Variants in TEAD1 observed in about 807,000 individuals in gnomAD.
TEAD1 encodes the protein transcriptional enhancer factor TEF-1.
In TEAD1, 9 loss-of-function variants were observed where a neutral mutation model predicts 54.9. That is an observed-to-expected ratio of 0.16 (90% CI 0.10 to 0.29). The LOEUF (loss-of-function observed/expected upper bound fraction) is 0.29, where lower values mean the gene tolerates loss of function less well. Among genes scored for constraint, TEAD1 ranks in the 10% least tolerant of loss-of-function variants. TEAD1 has a pLI of 1.00. For missense variants in TEAD1, 387 were observed against 535.9 expected (o/e 0.72, Z 2.74); for synonymous variants, 200 against 187.8 (o/e 1.07, Z -0.53).
chr11:12,940,713 C>G lies in TEAD1; in HGVS notation c.*3491C>G, dbSNP rs16911836. 0.23 allele frequency: 35,324 copies of G among 151,904 alleles called. 4,596 individuals are homozygous for G. Among genetic ancestry groups the G allele is most frequent in the African/African-American group, 0.34 (13,986 of 41,414 alleles). The allele number at this position is 151,904 out of a possible 1,614,324, so 9.4% of individuals were successfully genotyped here. A position where few individuals can be genotyped will look rare whatever the true frequency, so the allele number is the denominator to read the frequency against. On this transcript the variant is annotated 3_prime_UTR_variant, in exon 13 of 13. Coordinates refer to ENST00000527636, the MANE Select transcript of TEAD1 (RefSeq NM_021961.6). ...TGACCTTCATCCCTTAGTTTACTGG[C>G]GTTAAAAAAAGTCTCAGCAATTTTC... is the stretch of plus-strand genomic sequence containing the variant.
chr11:12,777,299 A>G (rs1945447359), intron 3 of TEAD1, among the ~76,000 whole-genome samples: 1 of 152,250 alleles, frequency 6.6e-6, no homozygotes, highest in East Asian at 1.9e-4. Context: ...CTGGGGTAAT[A>G]TTTAACATAT....
chr11:12,890,144 TAA>T (rs1409921989), intron 9 of TEAD1, among the ~76,000 whole-genome samples: 1 of 152,180 alleles, frequency 6.6e-6, no homozygotes, highest in African/African-American at 2.4e-5. Flanking sequence ...AAACGTTAAA[TAA>T]AGTTATCAAG....
chr11:12,786,745 C>T (rs1480892003), intron 3 of TEAD1, among the ~76,000 whole-genome samples: 1 of 152,040 alleles, frequency 6.6e-6, no homozygotes, highest in Non-Finnish European at 1.5e-5. Context: ...ATGGAGCTTA[C>T]ATTCTAGTGG....
At chr11:12,931,603 G>T (rs1949011933) in intron 12 of TEAD1, among the ~76,000 whole-genome samples, 3 of 152,018 alleles carry the variant, frequency 2.0e-5, no homozygotes. Flanking sequence ...TTTTAGAAAG[G>T]CTGTTTCCCA....
At chr11:12,882,800 A>G (rs1947999202) in intron 8 of TEAD1, among the ~76,000 whole-genome samples, 1 of 152,288 alleles carries the variant, frequency 6.6e-6, no homozygotes, top group South Asian at 2.1e-4. Context: ...TGAGGAACAC[A>G]TGCTTTGTGC....
intron 3 of TEAD1, among the ~76,000 whole-genome samples, chr11:12,856,702 G>A (rs1947389591): frequency 1.3e-5 from 2 of 152,180 alleles, no homozygotes; most frequent in African/African-American, 4.8e-5. Flanking sequence ...TGGAAGAACG[G>A]GGTGGAGAAT....
At chr11:12,879,410 T>G in intron 5 of TEAD1, 2 of 595,560 alleles carry the variant, frequency 3.4e-6, no homozygotes, top group Non-Finnish European at 3.0e-6. Flanking sequence ...TTCTGGAAGC[T>G]GACAAGCTAA....
intron 9 of TEAD1, 97 bp downstream of exon 9, chr11:12,883,222 C>T: frequency 6.4e-7 from 1 of 1,571,740 alleles, no homozygotes; most frequent in Non-Finnish European, 8.7e-7. Flanking sequence ...TACCCCGCCC[C>T]ATGCCTGACA....
chr11:12,805,792 T>G (rs1050771701), intron 3 of TEAD1, among the ~76,000 whole-genome samples: 2 of 152,236 alleles, frequency 1.3e-5, no homozygotes, highest in African/African-American at 4.8e-5. Context: ...TTGATACACC[T>G]TGTACCTTCC....
intron 3 of TEAD1, among the ~76,000 whole-genome samples, chr11:12,811,482 T>C (rs1309897526): frequency 6.6e-6 from 1 of 152,242 alleles, no homozygotes; most frequent in Admixed American, 6.5e-5. Context: ...TGACCTGATA[T>C]GCAGACCTTC....
chr11:12,853,195 G>A (rs1947308721), intron 3 of TEAD1, among the ~76,000 whole-genome samples: 1 of 152,122 alleles, frequency 6.6e-6, no homozygotes. Context: ...GTGGTCTTAA[G>A]GGTTATTGCA....
chr11:12,910,035 G>T (rs1169866092), intron 10 of TEAD1, among the ~76,000 whole-genome samples: 1 of 152,196 alleles, frequency 6.6e-6, no homozygotes, highest in Admixed American at 6.5e-5. Flanking sequence ...ATGAAGCTGT[G>T]CTTCATTGCA....
intron 9 of TEAD1, among the ~76,000 whole-genome samples, chr11:12,899,356 C>T (rs1418410014): frequency 6.6e-6 from 1 of 152,078 alleles, no homozygotes; most frequent in East Asian, 1.9e-4. Context: ...TTTCTGATTG[C>T]CTTTATACCA....
At chr11:12,718,554 T>C (rs562264772) in intron 2 of TEAD1, among the ~76,000 whole-genome samples, 6 of 152,268 alleles carry the variant, frequency 3.9e-5, no homozygotes, top group African/African-American at 1.4e-4. Flanking sequence ...TCCTGGTTTT[T>C]CCATAAAGAC....
chr11:12,881,831 C>T, intron 7 of TEAD1, 65 bp from the exon 8 acceptor site: 1 of 1,562,406 alleles, frequency 6.4e-7, no homozygotes, highest in Non-Finnish European at 8.8e-7. Flanking sequence ...CATGGTGGGG[C>T]CTGGGTAATA....
At chr11:12,923,447 G>A (rs543333385) in intron 10 of TEAD1, among the ~76,000 whole-genome samples, 1 of 152,154 alleles carries the variant, frequency 6.6e-6, no homozygotes, top group Non-Finnish European at 1.5e-5. Context: ...GCTTAGTTCC[G>A]TGTGGTATGT....
intron 9 of TEAD1, among the ~76,000 whole-genome samples, chr11:12,891,368 C>T (rs1447122229): frequency 2.0e-5 from 3 of 152,180 alleles, no homozygotes; most frequent in African/African-American, 7.2e-5. Flanking sequence ...CTGGAGGAAA[C>T]TATACTGTTG....
intron 2 of TEAD1, among the ~76,000 whole-genome samples, 179 bp downstream of exon 2, chr11:12,675,740 T>A (rs1327673934): frequency 6.6e-6 from 1 of 152,232 alleles, no homozygotes; most frequent in Non-Finnish European, 1.5e-5. Flanking sequence ...AAAAAATAAC[T>A]TTTGTATTTT....
intron 2 of TEAD1, among the ~76,000 whole-genome samples, chr11:12,759,435 T>C (rs1018012790): frequency 2.0e-5 from 3 of 148,946 alleles, no homozygotes; most frequent in Admixed American, 6.6e-5. Flanking sequence ...TACCAGGATA[T>C]TTGGATTCAT....
Sources: gnomAD v4.1 joint callset for allele counts (sites outside exome capture counted in the v4.1 genomes callset) on GRCh38, gnomAD v4.1.1 for gene constraint, MANE v1.5 for transcripts, NCBI Gene and HGNC (gene_info 2026-07-23, HGNC 2026-07-21) for gene names.